GDPD5: variants seen among roughly 807,000 people sequenced by gnomAD.
The protein encoded by GDPD5 is glycerophosphodiester phosphodiesterase domain containing 5.
A neutral mutation model predicts 75.1 loss-of-function variants in GDPD5; 48 were observed. The ratio of observed to expected loss-of-function variants is 0.64; its 90% confidence interval spans 0.51 to 0.81. The LOEUF is 0.81. Ranked by LOEUF, GDPD5 falls within the 40% of genes least tolerant of loss-of-function variation. The probability of loss-of-function intolerance (pLI) is 0.00; values close to 1 mark genes in which losing one functional copy is unlikely to be tolerated. For missense variants in GDPD5, 706 were observed against 822.6 expected, an observed-to-expected ratio of 0.86 and a Z score of 1.73; for synonymous variants, 336 against 339.0, an observed-to-expected ratio of 0.99 and a Z score of 0.10.
chr11:75,468,746 T>C (rs370715688), intron 3 of GDPD5, among the ~76,000 whole-genome samples: 61 of 151,748 alleles, frequency 4.0e-4, no homozygotes, highest in African/African-American at 1.4e-3. Context: ...GGTTCTCTGA[T>C]ACCACACAGA....
chr11:75,488,734 C>T (rs528642009), intron 2 of GDPD5, among the ~76,000 whole-genome samples: 1 of 152,342 alleles, frequency 6.6e-6, no homozygotes, highest in Admixed American at 6.5e-5. Flanking sequence ...CCCACTGCCT[C>T]CTCCTTTTTG....
intron 1 of GDPD5, among the ~76,000 whole-genome samples, chr11:75,515,274 G>A (rs528752969): frequency 5.1e-4 from 77 of 152,352 alleles, no homozygotes; most frequent in African/African-American, 1.7e-3. Flanking sequence ...CACCCCGTGG[G>A]GGCCTCCCAC....
chr11:75,447,540 G>C (rs1294923006), intron 9 of GDPD5, among the ~76,000 whole-genome samples: 1 of 152,102 alleles, frequency 6.6e-6, no homozygotes, highest in Non-Finnish European at 1.5e-5. Context: ...GATAAGTATG[G>C]GATTGGATTC....
At chr11:75,471,631 AG>A (rs1268985890) in intron 3 of GDPD5, among the ~76,000 whole-genome samples, 1 of 152,154 alleles carries the variant, frequency 6.6e-6, no homozygotes, top group Admixed American at 6.5e-5. Flanking sequence ...ACCACGTCAC[AG>A]GGTGGGTGGT....
Position 75,449,118 on chromosome 11 carries a change from G to A in GDPD5, c.573C>T (p.Ser191=). Residue 191 remains serine (S), a synonymous_variant, in exon 9 of 17, where the codon TCC becomes TCT. Coordinates refer to ENST00000336898, the MANE Select transcript of GDPD5 (RefSeq NM_030792.8). ...AGAAGGTACAGAGAATGGTCACCTG[G>A]GAGGCTGCAGATAAGGGGCCGTGAG... ...GQFARAERTS[S]QVTILCTFFT... 1 of 1,581,984 alleles carries A rather than the reference G, an allele frequency of 6.3e-7. No homozygotes were observed. The highest frequency in any genetic ancestry group is 8.6e-7 in the Non-Finnish European group (1 of 1,164,258).
At chr11:75,469,858 C>T (rs1033024511) in intron 3 of GDPD5, among the ~76,000 whole-genome samples, 4 of 152,304 alleles carry the variant, frequency 2.6e-5, no homozygotes, top group Non-Finnish European at 2.9e-5. Flanking sequence ...CCTCACACCC[C>T]GTACCAAACT....
chr11:75,467,203 A>G (rs1289310778), intron 3 of GDPD5, among the ~76,000 whole-genome samples: 1 of 152,218 alleles, frequency 6.6e-6, no homozygotes, highest in Non-Finnish European at 1.5e-5. Context: ...TCTGCCACTC[A>G]GCACGTCACT....
At chr11:75,493,067 G>A (rs1164722010) in intron 1 of GDPD5, among the ~76,000 whole-genome samples, 1 of 152,106 alleles carries the variant, frequency 6.6e-6, no homozygotes, top group Non-Finnish European at 1.5e-5. Context: ...ATGCACATGA[G>A]TGAAACGAAC....
At chr11:75,448,487 C>G in intron 9 of GDPD5, 1 of 985,818 alleles carries the variant, frequency 1.0e-6, no homozygotes, top group South Asian at 4.7e-5. Context: ...AGCCTGCCCT[C>G]TCACCGAAGC....
At chr11:75,496,217 G>A (rs1388483244) in intron 1 of GDPD5, among the ~76,000 whole-genome samples, 6 of 152,312 alleles carry the variant, frequency 3.9e-5, no homozygotes, top group Admixed American at 6.5e-5. Context: ...GAAGCCCCCC[G>A]CCATCCAGCT....
chr11:75,455,203 C>T, intron 6 of GDPD5: 1 of 432,608 alleles, frequency 2.3e-6, no homozygotes, highest in Non-Finnish European at 4.6e-6. Context: ...TGTGACCTTA[C>T]CTGCTGAGAG....
At chr11:75,453,415 A>G (rs781620032) in intron 6 of GDPD5, among the ~76,000 whole-genome samples, 3 of 152,172 alleles carry the variant, frequency 2.0e-5, no homozygotes, top group Non-Finnish European at 4.4e-5. Context: ...TCAGGAGATC[A>G]AGACCACCCT....
At chr11:75,496,647 T>C (rs1247265320) in intron 1 of GDPD5, among the ~76,000 whole-genome samples, 1 of 152,178 alleles carries the variant, frequency 6.6e-6, no homozygotes, top group Non-Finnish European at 1.5e-5. Flanking sequence ...GGCCCATCTA[T>C]TGTAATACTG....
At chr11:75,468,614 C>T (rs1414609448) in intron 3 of GDPD5, among the ~76,000 whole-genome samples, 2 of 152,334 alleles carry the variant, frequency 1.3e-5, no homozygotes, top group East Asian at 3.9e-4. Context: ...ACCACTAAAA[C>T]CTCCCATGCA....
In GDPD5 at chr11:75,449,558, G is replaced by GA. The variant is rs1357972042; in HGVS notation, c.526dup (p.Ser176PhefsTer87). The GA allele has an allele frequency of 1.3e-6, 2 of 1,589,604 alleles. No homozygotes were observed. Among genetic ancestry groups the GA allele is most frequent in the African/African-American group, 2.7e-5 (2 of 74,730 alleles). ...GGCGAACTGTCCTGCCACGATCCAG[G>GA]AGAGCATGGTGACTGCTGCCACAGC... is the stretch of plus-strand genomic sequence containing the variant. On this transcript the variant is annotated frameshift_variant, in exon 8 of 17. Coordinates refer to ENST00000336898, the MANE Select transcript of GDPD5 (RefSeq NM_030792.8). LOFTEE classifies it high-confidence loss of function.
intron 15 of GDPD5, chr11:75,439,368 G>A (rs1280133808): frequency 2.2e-6 from 1 of 456,542 alleles, no homozygotes; most frequent in South Asian, 1.5e-5. Context: ...TGAGATGCCA[G>A]AGTGCAGCAG....
chr11:75,467,671 C>T (rs1949548174), intron 3 of GDPD5, among the ~76,000 whole-genome samples: 1 of 151,904 alleles, frequency 6.6e-6, no homozygotes, highest in South Asian at 2.1e-4. Flanking sequence ...CAGGAGTGGC[C>T]CCTGGCTGTG....
intron 1 of GDPD5, among the ~76,000 whole-genome samples, chr11:75,504,929 C>A (rs1950363977): frequency 6.6e-6 from 1 of 152,044 alleles, no homozygotes; most frequent in Non-Finnish European, 1.5e-5. Flanking sequence ...AGTTCGAGAC[C>A]AGCCCGACCA....
intron 3 of GDPD5, among the ~76,000 whole-genome samples, chr11:75,463,544 G>C (rs536650714): frequency 5.3e-5 from 8 of 152,240 alleles, no homozygotes; most frequent in African/African-American, 1.9e-4. Flanking sequence ...ATTTCTCCCT[G>C]CTTTCATCCG....
Sources: allele counts gnomAD v4.1 joint callset (sites outside exome capture counted in the v4.1 genomes callset), GRCh38; gene constraint gnomAD v4.1.1; transcripts MANE v1.5; gene names NCBI Gene and HGNC (gene_info 2026-07-23, HGNC 2026-07-21).